CIART: variants seen among roughly 807,000 people sequenced by gnomAD.
CIART encodes the protein circadian-associated transcriptional repressor.
A neutral mutation model predicts 22.1 loss-of-function variants in CIART; 7 were observed. That is an observed-to-expected ratio of 0.32 (90% CI 0.18 to 0.59). The LOEUF is 0.59. CIART is among the 20% of genes least tolerant of loss of function. The pLI is 0.86. For missense variants in CIART, 440 were observed against 478.0 expected, an observed-to-expected ratio of 0.92 and a Z score of 0.74; for synonymous variants, 163 against 174.6, an observed-to-expected ratio of 0.93 and a Z score of 0.53.
chr1:150,284,914 G>A, intron 4 of CIART: 1 of 586,852 alleles, frequency 1.7e-6, no homozygotes, highest in Non-Finnish European at 3.0e-6. Flanking sequence ...TTGAATCACT[G>A]GGAGGAACTC....
rs781879596 is a variant in CIART at position 150,286,919 on chromosome 1, C to T, written c.1123C>T (p.Pro375Ser). The T allele has an allele frequency of 8.2e-6, 13 of 1,592,374 alleles. 1 individual carries two copies. The Admixed American group carries it at 1.4e-4, about 17-fold the overall frequency. ...GHREQQRSHPPVAADAHLLNL is the reference protein window; with the variant it reads ...GHREQQRSHPSVAADAHLLNL ...CCGGGAGCAGCAGAGAAGCCATCCT[C>T]CAGTTGCTGCTGATGCTCATCTTCT... is the stretch of plus-strand genomic sequence containing the variant. The change falls in exon 5 of 5, where the codon CCA becomes TCA. Residue 375 changes from proline (P) to serine (S), a missense_variant. Pro to Ser is a moderately conservative substitution (Grantham distance 74). Transcript: ENST00000290363.
At position 150,283,379 on chromosome 1, in the gene CIART, G is replaced by C. The variant is rs1553853912; in HGVS notation, c.112G>C (p.Asp38His). The change falls in exon 1 of 5, where the codon GAC (aspartate) becomes CAC (histidine). Residue 38 changes from aspartate to histidine, a missense_variant. Transcript: ENST00000290363. ...FGFPSDSERE[D>H]KGAHGPRPDT... is the part of the protein sequence containing the mutation. ...CTTCCCCTCTGATAGTGAGAGGGAG[G>C]ACAAGGGGGCCCATGGGCCCAGGCC... 9.3e-6 allele frequency: 15 copies of C among 1,607,186 alleles called. No individual in the cohort carries two copies. The highest frequency in any genetic ancestry group is 1.2e-5 in the Non-Finnish European group (14 of 1,175,936).
At position 150,286,541 on chromosome 1, in the gene CIART, C is replaced by T. The variant is rs781880094; in HGVS notation, c.745C>T (p.His249Tyr). 1.1e-5 allele frequency: 17 copies of T among 1,601,420 alleles called. 1 individual carries two copies. In the Admixed American group the frequency reaches 2.5e-4, roughly 24 times the overall value. ...AGCTTTAAAACCAAAGCAGCCTTGG[C>T]ACCTCACACAATGGCCAGCTATGAA... is the stretch of plus-strand genomic sequence containing the variant. ...HLALKPKQPWHLTQWPAMNLT... is the reference protein window; with the variant it reads ...HLALKPKQPWYLTQWPAMNLT... The change falls in exon 5 of 5, where the codon CAC becomes TAC. Residue 249 changes from histidine (H) to tyrosine (Y), a missense_variant. Transcript: ENST00000290363.
Position 150,283,252 on chromosome 1 carries a change from C to T in CIART, c.-16C>T. ...GGTACTCCAGGAGCTGTTCTATAGC[C>T]CCTGCTTCTGGACCTATGGATTCTC... On this transcript the variant is annotated 5_prime_UTR_variant, in exon 1 of 5. Transcript: ENST00000290363. The T allele has an allele frequency of 1.3e-6, 2 of 1,510,924 alleles. No individual in the cohort carries two copies. The highest frequency in any genetic ancestry group is 1.8e-6 in the Non-Finnish European group (2 of 1,130,094). The allele number at this position is 1,510,924 out of a possible 1,614,324, so 93.6% of individuals were successfully genotyped here.
chr1:150,283,131 C>G lies in CIART; in HGVS notation c.-137C>G, dbSNP rs587702268. 3.4e-5 allele frequency: 30 copies of G among 877,940 alleles called. No homozygotes were observed. In the African/African-American group the frequency reaches 4.9e-4, roughly 14 times the overall value. The allele number at this position is 877,940 out of a possible 1,614,324, so 54.4% of individuals were successfully genotyped here. On this transcript the variant is annotated 5_prime_UTR_variant, in exon 1 of 5. Coordinates refer to ENST00000290363, the MANE Select transcript of CIART (RefSeq NM_144697.4). ...GAGGGGGAGAACAAGTATTATCCCA[C>G]GCAGTACACCCCAATCTCCCAGTTC... is the stretch of plus-strand genomic sequence containing the variant.
Position 150,286,889 on chromosome 1 carries a change from G to A in CIART, c.1093G>A (p.Gly365Arg). 2 of 1,609,278 alleles carry A rather than the reference G, an allele frequency of 1.2e-6. No homozygotes were observed. The highest frequency in any genetic ancestry group is 2.2e-5 in the East Asian group (1 of 44,818). ...CACCTTGGCCAGAAAGATGACCATA[G>A]GACACCGGGAGCAGCAGAGAAGCCA... is the stretch of plus-strand genomic sequence containing the variant. ...LPTLARKMTI[G>R]HREQQRSHPP... is the part of the protein sequence containing the mutation. The change falls in exon 5 of 5, where the codon GGA becomes AGA. Residue 365 changes from glycine to arginine, a missense_variant. By Grantham distance (125) the Gly-to-Arg change is moderately radical. Coordinates refer to ENST00000290363, the MANE Select transcript of CIART (RefSeq NM_144697.4).
chr1:150,284,216 G>A (rs1390402899), intron 2 of CIART, among the ~76,000 whole-genome samples: 1 of 151,690 alleles, frequency 6.6e-6, no homozygotes, highest in Non-Finnish European at 1.5e-5. Context: ...ATGGGGTTTC[G>A]CTATGTTGGC....
In CIART at chr1:150,283,590, C is replaced by T. The variant is rs1553854020; in HGVS notation, c.323C>T (p.Thr108Ile). 1.2e-6 allele frequency: 2 copies of T among 1,613,888 alleles called. No homozygotes were observed. Residue 108 changes from threonine (T) to isoleucine (I), a missense_variant, in exon 1 of 5, where the codon ACC (threonine) becomes ATC (isoleucine). Coordinates refer to ENST00000290363, the MANE Select transcript of CIART (RefSeq NM_144697.4). ...GGTGAACTGGAGACCAGTCTAAACA[C>T]CCAAGGTTGTACCACAGAGGGAGAC... is the stretch of plus-strand genomic sequence containing the variant. Reference protein sequence around the residue: ...RDGELETSLNTQGCTTEGDLL... With the variant: ...RDGELETSLNIQGCTTEGDLL...
In CIART at chr1:150,283,392, A is replaced by T; in HGVS notation, c.125A>T (p.His42Leu). Residue 42 changes from histidine (H) to leucine (L), a missense_variant, in exon 1 of 5, where the codon CAT becomes CTT. Coordinates refer to ENST00000290363, the MANE Select transcript of CIART (RefSeq NM_144697.4). ...AGTGAGAGGGAGGACAAGGGGGCCC[A>T]TGGGCCCAGGCCAGACACTGTTGGG... ...SDSEREDKGA[H>L]GPRPDTVGQR... 1 of 1,611,106 alleles carries T rather than the reference A, an allele frequency of 6.2e-7. No individual in the cohort carries two copies. The highest frequency in any genetic ancestry group is 1.1e-5 in the South Asian group (1 of 90,926).
At chr1:150,285,914 C>T (rs940938310) in intron 4 of CIART, among the ~76,000 whole-genome samples, 5 of 152,012 alleles carry the variant, frequency 3.3e-5, no homozygotes, top group African/African-American at 9.6e-5. Flanking sequence ...CTTGGGAGGT[C>T]GAGGCTGCAG....
chr1:150,283,082 G>C lies in CIART; in HGVS notation c.-186G>C. 1 of 522,342 alleles carries C rather than the reference G, an allele frequency of 1.9e-6. No individual in the cohort carries two copies. Among genetic ancestry groups the C allele is most frequent in the Non-Finnish European group, 3.1e-6 (1 of 322,012 alleles). The allele number at this position is 522,342 out of a possible 1,614,324, so 32.4% of individuals were successfully genotyped here. ...GGGGGTAGAAATGTCTTTTTCTATT[G>C]TGTTTGAGACCGGTAATATTGGGGA... On this transcript the variant is annotated 5_prime_UTR_variant, in exon 1 of 5. Transcript: ENST00000290363.
chr1:150,284,592 C>T lies in CIART; in HGVS notation c.522-5C>T, dbSNP rs782690107. 2.0e-5 allele frequency: 32 copies of T among 1,609,002 alleles called. No homozygotes were observed. The South Asian group carries it at 3.4e-4, about 17-fold the overall frequency. The stretch of plus-strand genomic sequence containing the variant: ...TGGTTTTTTAAAGCAACGTCATTTT[C>T]ACAGGGAACGTTACCTAGGAACCTT... On this transcript the variant is annotated splice_polypyrimidine_tract_variant and splice_region_variant and intron_variant, in intron 3 of 4. Transcript: ENST00000290363.
Position 150,286,214 on chromosome 1 carries a change from A to G in CIART, c.634-216A>G, listed in dbSNP as rs72694997. On this transcript the variant is annotated intron_variant, in intron 4 of 4. Coordinates refer to ENST00000290363, the MANE Select transcript of CIART (RefSeq NM_144697.4). ...GTGTCTAATATAGTATGTGGTCCAT[A>G]GTAGGCCATTTATTTGTTTAATAAA... Among the ~76,000 whole-genome samples, 501 of 152,312 alleles carry G rather than the reference A, an allele frequency of 3.3e-3. 1 individual carries two copies. Among genetic ancestry groups the G allele is most frequent in the Non-Finnish European group, 6.1e-3 (414 of 68,036 alleles).
rs1317336362 is a variant in CIART, at chr1:150,284,907, A to T, written c.633+199A>T. 1.4e-5 allele frequency: 8 copies of T among 575,328 alleles called. No individual in the cohort carries two copies. The South Asian group carries it at 1.7e-4, about 12-fold the overall frequency. 35.6% of individuals were successfully genotyped at this position (575,328 alleles called of 1,614,324 possible). A position where few individuals can be genotyped will look rare whatever the true frequency, so the allele number is the denominator to read the frequency against. On this transcript the variant is annotated intron_variant, in intron 4 of 4. Coordinates refer to ENST00000290363, the MANE Select transcript of CIART (RefSeq NM_144697.4). ...GTTGTTGTTGTTGTTGTTTTGTTTG[A>T]ATCACTGGGAGGAACTCCATGAAGT...
intron 3 of CIART, 45 bp downstream of exon 3, chr1:150,284,549 T>G (rs1478245646): frequency 6.3e-7 from 1 of 1,595,718 alleles, no homozygotes; most frequent in African/African-American, 1.3e-5. Context: ...AAAAAGGAGA[T>G]TTCTCCAATC....
At chr1:150,284,181 C>A (rs1653347820) in intron 2 of CIART, among the ~76,000 whole-genome samples, 1 of 152,032 alleles carries the variant, frequency 6.6e-6, no homozygotes, top group Admixed American at 6.6e-5. Flanking sequence ...CCATGCCCAG[C>A]TAATTTTTGT....
chr1:150,282,615 A>G lies in CIART; in HGVS notation c.-653A>G, dbSNP rs1553853720. The G allele has an allele frequency of 6.6e-6, 1 of 152,432 alleles. No homozygotes were observed. 9.4% of individuals were successfully genotyped at this position (152,432 alleles called of 1,614,324 possible). ...CGAGCCAGGGCTGAGCCGGCTGACA[A>G]CAGGTAAGGAGATTCGGAGGACAAA... On this transcript the variant is annotated 5_prime_UTR_variant, in exon 1 of 5. Coordinates refer to ENST00000290363, the MANE Select transcript of CIART (RefSeq NM_144697.4).
In CIART at chr1:150,286,436, C is replaced by G. The variant is rs139897151; in HGVS notation, c.640C>G (p.Pro214Ala). The G allele has an allele frequency of 4.4e-6, 7 of 1,576,644 alleles. No homozygotes were observed. The highest frequency in any genetic ancestry group is 5.2e-6 in the Non-Finnish European group (6 of 1,146,628). The change falls in exon 5 of 5, where the codon CCA becomes GCA. Residue 214 changes from proline (P) to alanine (A), a missense_variant. Pro to Ala is a conservative substitution (Grantham distance 27). Coordinates refer to ENST00000290363, the MANE Select transcript of CIART (RefSeq NM_144697.4). ...TCATTTCTCCCCTCTCTAGCATTTT[C>G]CAAGCCACCACAGTGATTCAGCTGC... is the stretch of plus-strand genomic sequence containing the variant. ...GGKHQLTKHF[P>A]SHHSDSAASS...
At chr1:150,286,346 G>A in intron 4 of CIART, 84 bp from the exon 5 acceptor site, 1 of 1,254,900 alleles carries the variant, frequency 8.0e-7, no homozygotes, top group Non-Finnish European at 1.1e-6. Flanking sequence ...AGTTCCCAAG[G>A]AATGCAAAGG....
Sources: gnomAD v4.1 joint callset for allele counts (sites outside exome capture counted in the v4.1 genomes callset) on GRCh38, gnomAD v4.1.1 for gene constraint, MANE v1.5 for transcripts, NCBI Gene and HGNC (gene_info 2026-07-23, HGNC 2026-07-21) for gene names.